The following PRDM11 variants were observed in gnomAD, a reference collection of about 807,000 sequenced individuals.
The protein encoded by PRDM11 is PR/SET domain 11.
A neutral mutation model predicts 97.8 loss-of-function variants in PRDM11; 20 were observed. The observed-to-expected ratio is 0.20, with a 90% CI of 0.14 to 0.30. The LOEUF (loss-of-function observed/expected upper bound fraction) is 0.30, where lower values mean the gene tolerates loss of function less well. PRDM11 is among the 10% of genes least tolerant of loss of function. PRDM11 has a pLI of 1.00. For missense variants in PRDM11, 1,139 were observed against 1,555.2 expected, an observed-to-expected ratio of 0.73 and a Z score of 4.50; for synonymous variants, 599 against 637.7, an observed-to-expected ratio of 0.94 and a Z score of 0.91.
intron 1 of PRDM11, among the ~76,000 whole-genome samples, chr11:45,132,661 A>C (rs969638552): frequency 6.6e-6 from 1 of 152,250 alleles, no homozygotes; most frequent in East Asian, 1.9e-4. Context: ...ATCCTTTCAC[A>C]ATCTGCCTCT....
chr11:45,153,080 G>A (rs1565268780), intron 1 of PRDM11, among the ~76,000 whole-genome samples: 1 of 152,240 alleles, frequency 6.6e-6, no homozygotes, highest in African/African-American at 2.4e-5. Flanking sequence ...CCATTCCCAG[G>A]GAAAAGTAGG....
intron 1 of PRDM11, among the ~76,000 whole-genome samples, chr11:45,165,506 G>A (rs1208675028): frequency 2.6e-5 from 4 of 152,200 alleles, no homozygotes; most frequent in African/African-American, 4.8e-5. Context: ...CACGCAGGCC[G>A]CACACTCAGA....
intron 1 of PRDM11, among the ~76,000 whole-genome samples, chr11:45,120,531 A>G (rs1852405925): frequency 6.6e-6 from 1 of 152,226 alleles, no homozygotes; most frequent in African/African-American, 2.4e-5. Flanking sequence ...ACTGGTCTTC[A>G]CTAGAATCTA....
chr11:45,182,006 CG>C, intron 2 of PRDM11, 121 bp downstream of exon 2: 1 of 950,280 alleles, frequency 1.1e-6, no homozygotes, highest in South Asian at 1.7e-5. Context: ...ACCCTGCTCC[CG>C]GCAGCTCCTG....
chr11:45,221,004 A>G (rs1207012420), intron 6 of PRDM11, among the ~76,000 whole-genome samples: 2 of 152,008 alleles, frequency 1.3e-5, no homozygotes, highest in Admixed American at 1.3e-4. Context: ...GCCTCACCAT[A>G]TCGTGTTCCT....
rs1483812734 is a variant in PRDM11 at position 45,175,092 on chromosome 11, AC to A, written c.-6-6667del. On this transcript the variant is annotated intron_variant, in intron 1 of 7. Coordinates refer to ENST00000683152, the MANE Select transcript of PRDM11 (RefSeq NM_001384648.1). The stretch of plus-strand genomic sequence containing the variant: ...AGCTTCCCGGTTATTAACATCCCAC[AC>A]CAAAGTGGAACATTTGTTACAATTG... Among the ~76,000 whole-genome samples, 3 of 152,322 alleles carry A rather than the reference AC, an allele frequency of 2.0e-5. No individual in the cohort carries two copies. The East Asian group carries it at 5.8e-4, about 29-fold the overall frequency.
chr11:45,129,312 GA>G (rs1339996756), intron 1 of PRDM11, among the ~76,000 whole-genome samples: 1 of 151,884 alleles, frequency 6.6e-6, no homozygotes, highest in African/African-American at 2.4e-5. Context: ...AATATGGCAA[GA>G]AAAAAATTGA....
At chr11:45,197,982 G>A (rs1182460534) in intron 4 of PRDM11, among the ~76,000 whole-genome samples, 1 of 152,046 alleles carries the variant, frequency 6.6e-6, no homozygotes, top group Non-Finnish European at 1.5e-5. Context: ...TAACAAACCT[G>A]CATGTTGTGC....
chr11:45,151,786 G>C (rs1851666132), intron 1 of PRDM11, among the ~76,000 whole-genome samples: 1 of 152,200 alleles, frequency 6.6e-6, no homozygotes, highest in Non-Finnish European at 1.5e-5. Flanking sequence ...GGAGGGGAGA[G>C]GCTTCAGGCC....
chr11:45,228,924 A>G lies in PRDM11; in HGVS notation c.*765A>G, dbSNP rs1304428717. On this transcript the variant is annotated 3_prime_UTR_variant, in exon 8 of 8. Transcript: ENST00000683152. ...GGAAACTCACAATATTACCCATTAT[A>G]CTGAAGGCAACATTGCCTCACCGCT... 4 of 152,090 alleles carry G rather than the reference A, an allele frequency of 2.6e-5. No homozygotes were observed. The highest frequency in any genetic ancestry group is 2.0e-4 in the Admixed American group (3 of 15,278). 9.4% of individuals were successfully genotyped at this position (152,090 alleles called of 1,614,324 possible).
rs1279194691 is a variant in PRDM11, at chr11:45,229,888, A to G, written c.*1729A>G. The G allele has an allele frequency of 2.6e-5, 4 of 152,080 alleles. No individual in the cohort carries two copies. The highest frequency in any genetic ancestry group is 4.4e-5 in the Non-Finnish European group (3 of 68,030). 9.4% of individuals were successfully genotyped at this position (152,080 alleles called of 1,614,324 possible). On this transcript the variant is annotated 3_prime_UTR_variant, in exon 8 of 8. Transcript: ENST00000683152. ...AATGTCTTCAGCCTGCTTGGTTCAG[A>G]CATTATAAAACTGTGGTGGCTTCCT...
intron 1 of PRDM11, among the ~76,000 whole-genome samples, chr11:45,159,435 G>C (rs1565275353): frequency 6.6e-6 from 1 of 152,334 alleles, no homozygotes; most frequent in African/African-American, 2.4e-5. Flanking sequence ...GAGGCTAAGT[G>C]GGCCTGGTCT....
At position 45,219,741 on chromosome 11, in the gene PRDM11, C is replaced by G; in HGVS notation, c.726C>G (p.His242Gln). The change falls in exon 6 of 8, where the codon CAC becomes CAG. Residue 242 changes from histidine (H) to glutamine (Q), a missense_variant. This residue lies in a region of PRDM11 where 429 missense variants were observed against 510.3 expected (regional missense o/e 0.84). Coordinates refer to ENST00000683152, the MANE Select transcript of PRDM11 (RefSeq NM_001384648.1). The surrounding 1 kb of genome is among the most constrained non-coding windows in gnomAD (Gnocchi z 4.2). ...ACAGCATGTCCCAGGAAACCATTCACCGCAACCTGGCCAGAGGTGAGTGCC... is the reference window on the plus strand; with the variant it reads ...ACAGCATGTCCCAGGAAACCATTCAGCGCAACCTGGCCAGAGGTGAGTGCC... The part of the protein sequence containing the change: ...RLHSMSQETI[H>Q]RNLARGEKRL... 1.2e-6 allele frequency: 2 copies of G among 1,613,684 alleles called. No individual in the cohort carries two copies. Among genetic ancestry groups the G allele is most frequent in the South Asian group, 2.2e-5 (2 of 91,024 alleles).
intron 1 of PRDM11, among the ~76,000 whole-genome samples, chr11:45,169,971 T>C (rs1590401472): frequency 6.6e-6 from 1 of 152,192 alleles, no homozygotes; most frequent in East Asian, 1.9e-4. Context: ...ATCTCTACCT[T>C]CCTGGAGCTG....
In PRDM11 at chr11:45,219,649, T is replaced by C. The variant is rs1436835964; in HGVS notation, c.634T>C (p.Cys212Arg). 2 of 1,614,054 alleles carry C rather than the reference T, an allele frequency of 1.2e-6. No individual in the cohort carries two copies. Among genetic ancestry groups the C allele is most frequent in the South Asian group, 2.2e-5 (2 of 91,050 alleles). Reference sequence around the variant, plus strand: ...CAGTGAGCGCATCTACTTCCGGGCGTGCAGGGACATCCGGCCTGGGGAGTG... The same window carrying C: ...CAGTGAGCGCATCTACTTCCGGGCGCGCAGGGACATCCGGCCTGGGGAGTG... ...QHSERIYFRA[C>R]RDIRPGEWLR... Residue 212 changes from cysteine to arginine, a missense_variant, in exon 6 of 8, where the codon TGC (cysteine) becomes CGC (arginine). By Grantham distance (180) the Cys-to-Arg change is radical. This residue lies in a region of PRDM11 where 429 missense variants were observed against 510.3 expected (regional missense o/e 0.84). Transcript: ENST00000683152. This position sits in a 1 kb window ranked among gnomAD's most constrained non-coding sequence, Gnocchi z 4.2.
intron 1 of PRDM11, among the ~76,000 whole-genome samples, chr11:45,129,278 C>T (rs139596858): frequency 2.8e-4 from 42 of 152,170 alleles, no homozygotes; most frequent in African/African-American, 4.6e-4. Flanking sequence ...TATTCATCAT[C>T]GTACTGAAGA....
chr11:45,228,189 G>C lies in PRDM11; in HGVS notation c.*30G>C. 2.1e-6 allele frequency: 3 copies of C among 1,431,598 alleles called. No homozygotes were observed. The highest frequency in any genetic ancestry group is 2.7e-6 in the Non-Finnish European group (3 of 1,099,202). The allele number at this position is 1,431,598 out of a possible 1,614,324, so 88.7% of individuals were successfully genotyped here. Reference sequence around the variant, plus strand: ...CTGGCGCTGCAGAGTTCACTAAGCTGTTGAATATTTTTTTAATCTATACTC... The same window carrying C: ...CTGGCGCTGCAGAGTTCACTAAGCTCTTGAATATTTTTTTAATCTATACTC... On this transcript the variant is annotated 3_prime_UTR_variant, in exon 8 of 8. Coordinates refer to ENST00000683152, the MANE Select transcript of PRDM11 (RefSeq NM_001384648.1).
At chr11:45,103,116 G>C (rs1197737391) in intron 1 of PRDM11, among the ~76,000 whole-genome samples, 8 of 152,170 alleles carry the variant, frequency 5.3e-5, no homozygotes, top group African/African-American at 1.9e-4. Context: ...TCTCTTGTCT[G>C]GTCATCACTG....
chr11:45,111,639 G>A (rs1590343774), intron 1 of PRDM11, among the ~76,000 whole-genome samples: 1 of 152,208 alleles, frequency 6.6e-6, no homozygotes, highest in Admixed American at 6.5e-5. Flanking sequence ...CCAAATCAGA[G>A]AGTGGGAGTG....
Sources: allele counts gnomAD v4.1 joint callset (sites outside exome capture counted in the v4.1 genomes callset), GRCh38; gene constraint gnomAD v4.1.1; regional missense constraint gnomAD v4.1.1; non-coding constraint Gnocchi (gnomAD v3.1); transcripts MANE v1.5; gene names NCBI Gene and HGNC (gene_info 2026-07-23, HGNC 2026-07-21).